The following MYRFL variants were observed in gnomAD, a reference collection of about 807,000 sequenced individuals.
The protein encoded by MYRFL is myelin regulatory factor-like protein.
A neutral mutation model predicts 109.4 loss-of-function variants in MYRFL; 88 were observed. The ratio of observed to expected loss-of-function variants is 0.80; its 90% CI spans 0.68 to 0.96. The LOEUF is 0.96. MYRFL is among the 40% of genes least tolerant of loss of function. MYRFL has a pLI of 0.00. For synonymous variants in MYRFL, 324 were observed against 320.9 expected (o/e 1.01, Z -0.10); for missense variants, 957 against 954.9 (o/e 1.00, Z -0.03).
chr12:69,958,638 G>A lies in MYRFL; in HGVS notation c.*107G>A, dbSNP rs1270015220. 5.6e-5 allele frequency: 45 copies of A among 797,204 alleles called. No homozygotes were observed. Among genetic ancestry groups the A allele is most frequent in the Non-Finnish European group, 6.1e-5 (32 of 526,158 alleles). The allele number at this position is 797,204 out of a possible 1,614,324, so 49.4% of individuals were successfully genotyped here. A position where few individuals can be genotyped will look rare whatever the true frequency, so the allele number is the denominator to read the frequency against. Reference sequence around the variant, plus strand: ...TTTTTCTTCTTTGTAAAACATTTACGTTTATTGCTGAAGGACTTTTTCAGG... The same window carrying A: ...TTTTTCTTCTTTGTAAAACATTTACATTTATTGCTGAAGGACTTTTTCAGG... On this transcript the variant is annotated 3_prime_UTR_variant, in exon 25 of 25. Coordinates refer to ENST00000552032, the MANE Select transcript of MYRFL (RefSeq NM_182530.3).
chr12:69,849,133 A>C (rs1217836566), intron 1 of MYRFL, among the ~76,000 whole-genome samples: 4 of 152,208 alleles, frequency 2.6e-5, no homozygotes, highest in Non-Finnish European at 5.9e-5. Context: ...CAGCCTCCCA[A>C]AGTGCTGGAA....
intron 2 of MYRFL, among the ~76,000 whole-genome samples, chr12:69,865,523 G>A (rs1209746718): frequency 6.6e-6 from 1 of 152,134 alleles, no homozygotes; most frequent in African/African-American, 2.4e-5. Context: ...AAGAATTATG[G>A]TTTCTGTGAT....
intron 6 of MYRFL, among the ~76,000 whole-genome samples, chr12:69,890,561 C>T (rs1468548700): frequency 3.9e-5 from 6 of 152,194 alleles, no homozygotes; most frequent in Admixed American, 3.3e-4. Flanking sequence ...TGGCGAAACC[C>T]TGTCTCTACT....
intron 19 of MYRFL, among the ~76,000 whole-genome samples, chr12:69,940,554 G>A (rs1955610861): frequency 6.6e-6 from 1 of 151,866 alleles, no homozygotes; most frequent in Non-Finnish European, 1.5e-5. Context: ...TGAAGGAAGT[G>A]CTAAACATGG....
At chr12:69,946,333 T>TACA (rs1955840157) in intron 19 of MYRFL, among the ~76,000 whole-genome samples, 1 of 152,190 alleles carries the variant, frequency 6.6e-6, no homozygotes, top group African/African-American at 2.4e-5. Context: ...AAAGTTGTTA[T>TACA]CTCTTCCTTT....
chr12:69,939,959 T>A (rs1955592099), intron 19 of MYRFL, among the ~76,000 whole-genome samples: 1 of 151,822 alleles, frequency 6.6e-6, no homozygotes, highest in South Asian at 2.1e-4. Context: ...GAAGATGAAA[T>A]GGATGAAATG....
At chr12:69,889,716 C>T (rs1184750040) in intron 6 of MYRFL, among the ~76,000 whole-genome samples, 2 of 152,084 alleles carry the variant, frequency 1.3e-5, no homozygotes, top group Non-Finnish European at 2.9e-5. Context: ...ATTGGTTGGG[C>T]ATGGTAGCTG....
intron 16 of MYRFL, among the ~76,000 whole-genome samples, chr12:69,932,962 C>G (rs1337596399): frequency 6.6e-6 from 1 of 151,734 alleles, no homozygotes; most frequent in Non-Finnish European, 1.5e-5. Flanking sequence ...GTTTTCTTTT[C>G]TGTTGACCTT....
At chr12:69,879,838 T>C (rs981509392) in intron 4 of MYRFL, among the ~76,000 whole-genome samples, 20 of 152,222 alleles carry the variant, frequency 1.3e-4, no homozygotes, top group African/African-American at 4.1e-4. Context: ...CCCTTTTCTT[T>C]CTTTTATTTC....
chr12:69,872,588 C>G (rs533721047), intron 2 of MYRFL, among the ~76,000 whole-genome samples: 145 of 152,120 alleles, frequency 9.5e-4, no homozygotes, highest in African/African-American at 3.4e-3. Context: ...GCAACCTTTG[C>G]CTCCTGAGGT....
intron 12 of MYRFL, among the ~76,000 whole-genome samples, chr12:69,910,610 TC>T (rs1322327577): frequency 8.5e-6 from 1 of 117,126 alleles, no homozygotes; most frequent in East Asian, 2.4e-4. Flanking sequence ...GGCACTTACC[TC>T]CCCCCTGTTG....
chr12:69,838,167 C>A (rs1458755208), intron 1 of MYRFL, among the ~76,000 whole-genome samples: 3 of 152,254 alleles, frequency 2.0e-5, no homozygotes, highest in Admixed American at 1.3e-4. Context: ...CCATAATGAG[C>A]AGTTTTCTTG....
In MYRFL at chr12:69,854,346, G is replaced by GGAGGGAGAGGGA. The variant is rs138931391; in HGVS notation, c.47-911_47-900dup. 3.8e-3 allele frequency among the ~76,000 whole-genome samples: 539 copies of GGAGGGAGAGGGA among 141,738 alleles called. 3 individuals carry two copies. The highest frequency in any genetic ancestry group is 0.012 in the African/African-American group (453 of 38,088). The allele number at this position is 141,738 out of a possible 152,430, so 93.0% of individuals were successfully genotyped here. On this transcript the variant is annotated intron_variant, in intron 1 of 24. Coordinates refer to ENST00000552032, the MANE Select transcript of MYRFL (RefSeq NM_182530.3). ...AGAGGGAGACCGTGGAGGGGGAGGG[G>GGAGGGAGAGGGA]GAGGGAGAGGGAGAGGGAGAGGGAG...
chr12:69,919,492 A>G (rs1235062665), intron 13 of MYRFL, among the ~76,000 whole-genome samples: 1 of 152,188 alleles, frequency 6.6e-6, no homozygotes, highest in Admixed American at 6.5e-5. Context: ...CCTGTTTGCA[A>G]GAGAAATATA....
intron 7 of MYRFL, among the ~76,000 whole-genome samples, chr12:69,893,017 TTTTG>T (rs1887008926): frequency 6.6e-6 from 1 of 152,184 alleles, no homozygotes; most frequent in Admixed American, 6.5e-5. Flanking sequence ...TTATTAGAAG[TTTTG>T]TTTATTTTCC....
chr12:69,921,687 C>T (rs1356288348), intron 13 of MYRFL, among the ~76,000 whole-genome samples: 12 of 152,172 alleles, frequency 7.9e-5, no homozygotes. Context: ...ATTTCCTCTC[C>T]ACTTTTATTT....
At chr12:69,827,224 A>T (rs780209853) in intron 1 of MYRFL, among the ~76,000 whole-genome samples, 9 of 152,128 alleles carry the variant, frequency 5.9e-5, no homozygotes, top group Non-Finnish European at 1.0e-4. Context: ...CCATTTCCTC[A>T]GGCTCTTCAT....
At chr12:69,827,772 G>A (rs1181352064) in intron 1 of MYRFL, among the ~76,000 whole-genome samples, 1 of 151,980 alleles carries the variant, frequency 6.6e-6, no homozygotes, top group African/African-American at 2.4e-5. Flanking sequence ...GCAAAAAAGT[G>A]ACTTACAATG....
intron 1 of MYRFL, among the ~76,000 whole-genome samples, chr12:69,847,308 A>G (rs970721392): frequency 8.5e-5 from 13 of 152,342 alleles, no homozygotes; most frequent in African/African-American, 2.9e-4. Flanking sequence ...ATATGCCCCA[A>G]TTATGCCACC....
Sources: allele counts gnomAD v4.1 joint callset (sites outside exome capture counted in the v4.1 genomes callset), GRCh38; gene constraint gnomAD v4.1.1; transcripts MANE v1.5; gene names NCBI Gene and HGNC (gene_info 2026-07-23, HGNC 2026-07-21).